Variants in FAM210A observed in about 807,000 individuals in gnomAD.
FAM210A encodes family with sequence similarity 210 member A.
FAM210A carries 13 observed loss-of-function variants against 25.3 expected under a neutral mutation model. The observed-to-expected ratio is 0.51, with a 90% CI of 0.33 to 0.82. The LOEUF is 0.82. Among genes scored for constraint, FAM210A ranks in the 40% least tolerant of loss-of-function variants. The probability of loss-of-function intolerance (pLI) is 0.02; values close to 1 mark genes in which losing one functional copy is unlikely to be tolerated. For missense variants in FAM210A, 319 were observed against 323.2 expected, an observed-to-expected ratio of 0.99 and a Z score of 0.10; for synonymous variants, 125 against 118.7, an observed-to-expected ratio of 1.05 and a Z score of -0.35.
intron 1 of FAM210A, among the ~76,000 whole-genome samples, chr18:13,713,598 T>C (rs541952140): frequency 6.6e-6 from 1 of 152,354 alleles, no homozygotes; most frequent in Admixed American, 6.5e-5. Flanking sequence ...CATCAAACGA[T>C]GTCTGAGGAC....
At chr18:13,683,944 C>T (rs1391825277) in intron 1 of FAM210A, among the ~76,000 whole-genome samples, 4 of 152,152 alleles carry the variant, frequency 2.6e-5, no homozygotes, top group Non-Finnish European at 5.9e-5. Context: ...TAGTAATTAT[C>T]CACCTACAAA....
intron 1 of FAM210A, among the ~76,000 whole-genome samples, chr18:13,690,651 GTGGACCTCCAGCAAA>G (rs979511322): frequency 8.5e-5 from 13 of 152,348 alleles, no homozygotes; most frequent in African/African-American, 2.6e-4. Flanking sequence ...AGGGTCTGGA[GTGGACCTCCAGCAAA>G]CTCCAACAGA....
chr18:13,705,532 C>A (rs2149066695), intron 1 of FAM210A, among the ~76,000 whole-genome samples: 1 of 152,262 alleles, frequency 6.6e-6, no homozygotes, highest in South Asian at 2.1e-4. Flanking sequence ...AGTGCAGTGG[C>A]ATGATCTCGG....
At chr18:13,699,426 A>C (rs1262356784) in intron 1 of FAM210A, among the ~76,000 whole-genome samples, 2 of 152,228 alleles carry the variant, frequency 1.3e-5, no homozygotes, top group Non-Finnish European at 2.9e-5. Flanking sequence ...AAGTTCATTA[A>C]TAATTCATTA....
chr18:13,674,103 C>A (rs1199760613), intron 2 of FAM210A, among the ~76,000 whole-genome samples: 3 of 141,314 alleles, frequency 2.1e-5, no homozygotes, highest in East Asian at 2.0e-4. Flanking sequence ...TCTTTATTTC[C>A]AGTTTCCTGA....
At chr18:13,723,255 T>C (rs1243449392) in intron 1 of FAM210A, among the ~76,000 whole-genome samples, 1 of 152,172 alleles carries the variant, frequency 6.6e-6, no homozygotes, top group Non-Finnish European at 1.5e-5. Flanking sequence ...AGAAACACTA[T>C]AATCAATTCA....
At chr18:13,701,687 G>C (rs933953954) in intron 1 of FAM210A, among the ~76,000 whole-genome samples, 18 of 152,192 alleles carry the variant, frequency 1.2e-4, no homozygotes, top group Non-Finnish European at 1.8e-4. Flanking sequence ...TCTTACTAAA[G>C]CTAACTTACA....
intron 1 of FAM210A, among the ~76,000 whole-genome samples, chr18:13,703,726 A>T (rs1296199077): frequency 1.3e-5 from 2 of 152,240 alleles, no homozygotes; most frequent in African/African-American, 2.4e-5. Flanking sequence ...TACGTAAAAA[A>T]GCTCTAATTA....
At chr18:13,691,653 A>T (rs1235760498) in intron 1 of FAM210A, among the ~76,000 whole-genome samples, 2 of 151,454 alleles carry the variant, frequency 1.3e-5, no homozygotes, top group Non-Finnish European at 2.9e-5. Context: ...AGCCAAACTA[A>T]GCTTCATAAG....
intron 1 of FAM210A, among the ~76,000 whole-genome samples, chr18:13,712,358 A>C (rs1433352327): frequency 6.6e-6 from 1 of 152,238 alleles, no homozygotes; most frequent in Non-Finnish European, 1.5e-5. Context: ...AGAGAAAAGC[A>C]TGTGACCTAA....
chr18:13,708,466 T>C (rs1444594659), intron 1 of FAM210A, among the ~76,000 whole-genome samples: 2 of 152,212 alleles, frequency 1.3e-5, no homozygotes, highest in Non-Finnish European at 2.9e-5. Context: ...TCTAATCCTC[T>C]GTATTTCTAG....
chr18:13,667,872 A>G (rs77697207), intron 3 of FAM210A, among the ~76,000 whole-genome samples: 2,719 of 152,294 alleles, frequency 0.018, 31 homozygotes, highest in Middle Eastern at 0.061. Context: ...CATCTCTTAA[A>G]ACACAAAGAA....
rs1244843892 is a variant in FAM210A at position 13,700,063 on chromosome 18, A to C, written c.-28-17958T>G. 2.0e-5 allele frequency among the ~76,000 whole-genome samples: 3 copies of C among 152,202 alleles called. No homozygotes were observed. In the East Asian group the frequency reaches 5.8e-4, roughly 29 times the overall value. ...ACACCAACTGGGTACCCTATAATTC[A>C]ATTTAATTCTAACACTGTCTTATTT... is the stretch of plus-strand genomic sequence containing the variant. On this transcript the variant is annotated intron_variant, in intron 1 of 3. Transcript: ENST00000651643.
intron 3 of FAM210A, among the ~76,000 whole-genome samples, chr18:13,671,379 AT>A (rs1440684788): frequency 1.3e-5 from 2 of 152,190 alleles, no homozygotes; most frequent in African/African-American, 4.8e-5. Flanking sequence ...AACAAATATA[AT>A]TATACTTAAA....
chr18:13,726,398 A>G lies in FAM210A; in HGVS notation c.-98T>C, dbSNP rs1413195866. On this transcript the variant is annotated 5_prime_UTR_variant, in exon 1 of 4. Coordinates refer to ENST00000651643, the MANE Select transcript of FAM210A (RefSeq NM_152352.4). ...GCTGGACCACAGCTCCTCGGATGCC[A>G]CGGCGGTGTCACTCAGCAGAGCAGC... 2 of 153,250 alleles carry G rather than the reference A, an allele frequency of 1.3e-5. No homozygotes were observed. The highest frequency in any genetic ancestry group is 2.4e-5 in the African/African-American group (1 of 41,462). 9.5% of individuals were successfully genotyped at this position (153,250 alleles called of 1,614,324 possible).
chr18:13,713,724 A>AC (rs2043838585), intron 1 of FAM210A, among the ~76,000 whole-genome samples: 2 of 132,336 alleles, frequency 1.5e-5, no homozygotes, highest in Admixed American at 8.2e-5. Context: ...TGTCACTATA[A>AC]AACACACACA....
intron 2 of FAM210A, among the ~76,000 whole-genome samples, 200 bp downstream of exon 2, chr18:13,681,405 A>G (rs2043552332): frequency 6.6e-6 from 1 of 152,226 alleles, no homozygotes; most frequent in Non-Finnish European, 1.5e-5. Context: ...AATAAGATGA[A>G]ACAGTTAAAA....
intron 2 of FAM210A, among the ~76,000 whole-genome samples, chr18:13,678,787 T>C (rs1328096670): frequency 6.6e-6 from 1 of 152,208 alleles, no homozygotes; most frequent in African/African-American, 2.4e-5. Context: ...TTTCCACAGA[T>C]GAAGAAACAC....
At chr18:13,680,477 G>GA (rs1200650115) in intron 2 of FAM210A, among the ~76,000 whole-genome samples, 2 of 151,878 alleles carry the variant, frequency 1.3e-5, no homozygotes, top group Non-Finnish European at 2.9e-5. Flanking sequence ...TACACAAGGT[G>GA]AAAAAAAATC....
Sources: allele counts gnomAD v4.1 joint callset (sites outside exome capture counted in the v4.1 genomes callset), GRCh38; gene constraint gnomAD v4.1.1; transcripts MANE v1.5; gene names NCBI Gene and HGNC (gene_info 2026-07-23, HGNC 2026-07-21).